Variants in PRORP observed in about 807,000 individuals in gnomAD.
PRORP encodes protein only RNase P catalytic subunit, also known as mitochondrial ribonuclease P catalytic subunit.
A neutral mutation model predicts 59.4 loss-of-function variants in PRORP; 51 were observed. That is an observed-to-expected ratio of 0.86 (90% CI 0.69 to 1.08). The LOEUF is 1.08. PRORP is among the 50% of genes least tolerant of loss of function. PRORP has a pLI of 0.00. For synonymous variants in PRORP, 231 were observed against 245.6 expected (o/e 0.94, Z 0.55); for missense variants, 646 against 690.3 (o/e 0.94, Z 0.72).
intron 5 of PRORP, among the ~76,000 whole-genome samples, chr14:35,228,416 A>G (rs968849446): frequency 2.6e-5 from 4 of 152,138 alleles, no homozygotes. Flanking sequence ...GGTAGTGAAC[A>G]TAGTACCCAA....
chr14:35,133,152 C>T (rs1384577842), intron 4 of PRORP, among the ~76,000 whole-genome samples: 1 of 152,096 alleles, frequency 6.6e-6, no homozygotes, highest in African/African-American at 2.4e-5. Flanking sequence ...GAACTCCTGA[C>T]CTCATGATCT....
chr14:35,157,263 T>C (rs1262609999), intron 4 of PRORP, among the ~76,000 whole-genome samples: 1 of 151,982 alleles, frequency 6.6e-6, no homozygotes, highest in Non-Finnish European at 1.5e-5. Flanking sequence ...ACGTTCATTT[T>C]TTTCAAAATA....
At chr14:35,221,405 G>A (rs552084479) in intron 5 of PRORP, among the ~76,000 whole-genome samples, 1 of 152,248 alleles carries the variant, frequency 6.6e-6, no homozygotes, top group Non-Finnish European at 1.5e-5. Context: ...GGCTTGGTAT[G>A]GCACTGCTGT....
intron 5 of PRORP, among the ~76,000 whole-genome samples, chr14:35,206,718 A>G (rs1201972651): frequency 2.0e-5 from 3 of 152,178 alleles, no homozygotes; most frequent in African/African-American, 7.2e-5. Flanking sequence ...ACTATAGGTA[A>G]GATAGTGAGC....
intron 5 of PRORP, among the ~76,000 whole-genome samples, chr14:35,257,919 G>C (rs1437200614): frequency 6.6e-6 from 1 of 152,006 alleles, no homozygotes; most frequent in Non-Finnish European, 1.5e-5. Flanking sequence ...TTACCTCCCA[G>C]GCAGCTTTTC....
In PRORP at chr14:35,123,724, C is replaced by G; in HGVS notation, c.479C>G (p.Ser160Cys). The change falls in exon 2 of 8, where the codon TCT (serine) becomes TGT (cysteine). Residue 160 changes from serine to cysteine, a missense_variant. Coordinates refer to ENST00000534898, the MANE Select transcript of PRORP (RefSeq NM_014672.4). Reference protein sequence around the residue: ...GCHSSIDVAKSLLAWVAAKNN... With the variant: ...GCHSSIDVAKCLLAWVAAKNN... ...CATAGCTCTATAGATGTGGCTAAATCTCTGCTGGCATGGGTAGCAGCCAAA... is the reference window on the plus strand; with the variant it reads ...CATAGCTCTATAGATGTGGCTAAATGTCTGCTGGCATGGGTAGCAGCCAAA... The G allele has an allele frequency of 1.2e-6, 2 of 1,614,254 alleles. No homozygotes were observed. The highest frequency in any genetic ancestry group is 1.7e-4 in the Middle Eastern group (1 of 6,060).
At chr14:35,219,336 C>G (rs2049709504) in intron 5 of PRORP, 1 of 152,246 alleles carries the variant, frequency 6.6e-6, no homozygotes, top group Non-Finnish European at 1.5e-5. Flanking sequence ...AACATGCCCA[C>G]CTCAGGGTGG....
intron 5 of PRORP, among the ~76,000 whole-genome samples, chr14:35,226,734 TA>T (rs202025240): frequency 0.03 from 4,621 of 152,156 alleles, 211 homozygotes; most frequent in African/African-American, 0.1. Flanking sequence ...AAATTATTAT[TA>T]TTATTTCATT....
At chr14:35,199,564 T>A (rs2049096945) in intron 5 of PRORP, among the ~76,000 whole-genome samples, 1 of 152,164 alleles carries the variant, frequency 6.6e-6, no homozygotes, top group Non-Finnish European at 1.5e-5. Context: ...TTTGCCTCAC[T>A]GTGTGAGGAC....
chr14:35,191,063 A>C (rs11625942), intron 5 of PRORP, among the ~76,000 whole-genome samples: 2 of 152,122 alleles, frequency 1.3e-5, no homozygotes, highest in East Asian at 3.8e-4. Flanking sequence ...AAAGCCAGGC[A>C]TGGTAGCATG....
chr14:35,257,344 A>G (rs1413854310), intron 5 of PRORP, among the ~76,000 whole-genome samples: 1 of 152,174 alleles, frequency 6.6e-6, no homozygotes, highest in East Asian at 1.9e-4. Context: ...TGTATCCGTT[A>G]AACAATAGCT....
chr14:35,174,967 G>A (rs116937254), intron 4 of PRORP, among the ~76,000 whole-genome samples: 2 of 141,074 alleles, frequency 1.4e-5, no homozygotes, highest in East Asian at 2.1e-4. Flanking sequence ...TGTTCAATTC[G>A]CACTTATGAA....
Position 35,256,246 on chromosome 14 carries a change from C to T in PRORP, c.1276-10481C>T, listed in dbSNP as rs1441498062. Among the ~76,000 whole-genome samples, 76 of 138,684 alleles carry T rather than the reference C, an allele frequency of 5.5e-4. 1 individual carries two copies. The highest frequency in any genetic ancestry group is 7.5e-4 in the Non-Finnish European group (49 of 64,958). The allele number at this position is 138,684 out of a possible 152,430, so 91.0% of individuals were successfully genotyped here. A position where few individuals can be genotyped will look rare whatever the true frequency, so the allele number is the denominator to read the frequency against. ...CTGCAGTGAGCTGAGATTGCACCAC[C>T]GTACTCCAGCCTGGGTGACAGAGCG... On this transcript the variant is annotated intron_variant, in intron 5 of 7. Coordinates refer to ENST00000534898, the MANE Select transcript of PRORP (RefSeq NM_014672.4).
chr14:35,253,751 C>T (rs764372357), intron 5 of PRORP, among the ~76,000 whole-genome samples: 1 of 152,108 alleles, frequency 6.6e-6, no homozygotes, highest in Non-Finnish European at 1.5e-5. Flanking sequence ...CTCCCTCCTT[C>T]TTGAAATGCT....
intron 3 of PRORP, among the ~76,000 whole-genome samples, chr14:35,127,075 C>T (rs1441627092): frequency 2.0e-5 from 3 of 151,928 alleles, no homozygotes; most frequent in Admixed American, 6.6e-5. Flanking sequence ...ATATGATATT[C>T]CAGAGGATAG....
intron 5 of PRORP, among the ~76,000 whole-genome samples, chr14:35,256,312 G>A (rs369472430): frequency 2.4e-5 from 3 of 123,012 alleles, no homozygotes; most frequent in South Asian, 2.8e-4. Flanking sequence ...AAAGAAAAAA[G>A]AAATTGTGCG....
chr14:35,148,858 T>G (rs1356179944), intron 4 of PRORP, among the ~76,000 whole-genome samples: 1 of 151,984 alleles, frequency 6.6e-6, no homozygotes, highest in Non-Finnish European at 1.5e-5. Context: ...TTTGTGTTGG[T>G]TCCACCAGTC....
chr14:35,173,133 G>T (rs2048362734), intron 4 of PRORP, among the ~76,000 whole-genome samples: 1 of 152,144 alleles, frequency 6.6e-6, no homozygotes, highest in Non-Finnish European at 1.5e-5. Context: ...CTCCCAAATT[G>T]CTGGGATTAC....
chr14:35,138,526 GAATAATTATTAAAGGAATAAATTATTA>G (rs2138836608), intron 4 of PRORP, among the ~76,000 whole-genome samples: 1 of 144,258 alleles, frequency 6.9e-6, no homozygotes, highest in East Asian at 2.3e-4. Flanking sequence ...ATAAACCAAG[GAATAATTATTAAAGGAATAAATTATTA>G]AATAATTATT....
Sources: gnomAD v4.1 joint callset for allele counts (sites outside exome capture counted in the v4.1 genomes callset) on GRCh38, gnomAD v4.1.1 for gene constraint, MANE v1.5 for transcripts, NCBI Gene and HGNC (gene_info 2026-07-23, HGNC 2026-07-21) for gene names.